The following RPS6KC1 variants were observed in gnomAD, a reference collection of about 807,000 sequenced individuals.
RPS6KC1 encodes the protein ribosomal protein S6 kinase C1.
In RPS6KC1, 54 loss-of-function variants were observed where a neutral mutation model predicts 103.8. That is an observed-to-expected ratio of 0.52 (90% CI 0.42 to 0.65). The LOEUF is 0.65. Among genes scored for constraint, RPS6KC1 ranks in the 30% least tolerant of loss-of-function variants. The probability of loss-of-function intolerance (pLI) is 0.00; values close to 1 mark genes in which losing one functional copy is unlikely to be tolerated. For synonymous variants in RPS6KC1, 439 were observed against 438.7 expected (o/e 1.00, Z -0.01); for missense variants, 1,151 against 1,253.8 (o/e 0.92, Z 1.24).
At chr1:213,205,294 T>G in intron 8 of RPS6KC1, 7 of 984,832 alleles carry the variant, frequency 7.1e-6, no homozygotes, top group Non-Finnish European at 8.4e-6. Context: ...TGTTACATAT[T>G]GGGATTCTGG....
At chr1:213,708,012 C>T in the RPS6KC1 span, among the ~76,000 whole-genome samples, 1 of 152,152 alleles carries the variant, frequency 6.6e-6, no homozygotes, top group Non-Finnish European at 1.5e-5. Context: ...TTAGCATTGC[C>T]TTGGCTATAC....
the RPS6KC1 span, among the ~76,000 whole-genome samples, chr1:213,547,598 G>A: frequency 6.6e-6 from 1 of 152,232 alleles, no homozygotes; most frequent in African/African-American, 2.4e-5. Flanking sequence ...GGTGGGGCCT[G>A]ATGGGAGGTA....
At chr1:213,175,721 C>A (rs2091822037) in intron 7 of RPS6KC1, among the ~76,000 whole-genome samples, 1 of 152,158 alleles carries the variant, frequency 6.6e-6, no homozygotes. Context: ...AGACTGTTTT[C>A]CACATCACAG....
At chr1:213,233,418 C>G (rs1252340451) in intron 10 of RPS6KC1, among the ~76,000 whole-genome samples, 1 of 152,134 alleles carries the variant, frequency 6.6e-6, no homozygotes. Context: ...ATACAGCCAC[C>G]TCTGGTGTGG....
chr1:213,197,790 T>C (rs1422392109), intron 8 of RPS6KC1, among the ~76,000 whole-genome samples: 1 of 152,204 alleles, frequency 6.6e-6, no homozygotes, highest in Non-Finnish European at 1.5e-5. Context: ...CTTTCGGCTT[T>C]CATTTGCAGG....
the RPS6KC1 span, among the ~76,000 whole-genome samples, chr1:213,656,937 C>T: frequency 6.6e-6 from 1 of 152,150 alleles, no homozygotes; most frequent in African/African-American, 2.4e-5. Context: ...GCAGCAGAGG[C>T]TAGAAGCAGA....
At chr1:213,763,780 A>C in the RPS6KC1 span, among the ~76,000 whole-genome samples, 1 of 152,170 alleles carries the variant, frequency 6.6e-6, no homozygotes, top group East Asian at 1.9e-4. Context: ...CTTAGTGCTG[A>C]TTTGCACTTC....
At chr1:213,142,615 G>A (rs1169650389) in intron 6 of RPS6KC1, among the ~76,000 whole-genome samples, 1 of 151,954 alleles carries the variant, frequency 6.6e-6, no homozygotes, top group Non-Finnish European at 1.5e-5. Flanking sequence ...GGTTTCACAG[G>A]GTTGCAAAGT....
chr1:213,281,647 C>T, the RPS6KC1 span, among the ~76,000 whole-genome samples: 255 of 152,330 alleles, frequency 1.7e-3, no homozygotes, highest in African/African-American at 5.8e-3. Flanking sequence ...GAGCGACAGC[C>T]ATCCTGATGT....
At chr1:213,341,677 T>G in the RPS6KC1 span, among the ~76,000 whole-genome samples, 3 of 152,246 alleles carry the variant, frequency 2.0e-5, no homozygotes, top group Non-Finnish European at 4.4e-5. Context: ...TAATATGAAC[T>G]AATTTAATCT....
chr1:213,201,937 A>C lies in RPS6KC1; in HGVS notation c.1044+25445A>C, dbSNP rs928844618. On this transcript the variant is annotated intron_variant, in intron 8 of 14. Transcript: ENST00000366960. ...GCTAGCTATTCCAGATGTGGGACAGACCACTGTGTTTCTAGGTGGTTTTTA... is the reference window on the plus strand; with the variant it reads ...GCTAGCTATTCCAGATGTGGGACAGCCCACTGTGTTTCTAGGTGGTTTTTA... Among the ~76,000 whole-genome samples, 3 of 152,162 alleles carry C rather than the reference A, an allele frequency of 2.0e-5. 1 individual carries two copies. Among genetic ancestry groups the C allele is most frequent in the Admixed American group, 6.5e-5 (1 of 15,278 alleles).
chr1:213,733,544 G>GT, the RPS6KC1 span, among the ~76,000 whole-genome samples: 24,447 of 99,968 alleles, frequency 0.24, 2,439 homozygotes, highest in Middle Eastern at 0.4. Context: ...GCTATTTTTA[G>GT]TTTGTTTTTT....
chr1:213,472,195 A>G, the RPS6KC1 span, among the ~76,000 whole-genome samples: 1 of 152,188 alleles, frequency 6.6e-6, no homozygotes, highest in Non-Finnish European at 1.5e-5. Flanking sequence ...CACAAAACTT[A>G]CTGTTCAGAG....
the RPS6KC1 span, among the ~76,000 whole-genome samples, chr1:213,558,482 T>C: frequency 0.79 from 120,769 of 152,086 alleles, 48,718 homozygotes; most frequent in East Asian, 0.98. Flanking sequence ...ACATCCCTAG[T>C]GAGCACAAAG....
chr1:213,532,641 C>T, the RPS6KC1 span, among the ~76,000 whole-genome samples: 3 of 152,332 alleles, frequency 2.0e-5, no homozygotes, highest in Admixed American at 1.3e-4. Context: ...CCAGGCTAAT[C>T]AAGGTTGAGA....
At chr1:213,087,171 A>G (rs996347094) in intron 3 of RPS6KC1, among the ~76,000 whole-genome samples, 6 of 152,132 alleles carry the variant, frequency 3.9e-5, no homozygotes, top group African/African-American at 1.4e-4. Flanking sequence ...CTTTTTCTCA[A>G]TGAAGTTGAA....
chr1:213,614,231 A>G, the RPS6KC1 span, among the ~76,000 whole-genome samples: 2 of 152,192 alleles, frequency 1.3e-5, no homozygotes, highest in Non-Finnish European at 2.9e-5. Context: ...AGTCCTTGGG[A>G]TCCCCATTCT....
At chr1:213,127,814 G>C (rs1043607258) in intron 5 of RPS6KC1, among the ~76,000 whole-genome samples, 1 of 152,026 alleles carries the variant, frequency 6.6e-6, no homozygotes, top group Non-Finnish European at 1.5e-5. Flanking sequence ...ATGATTTTTT[G>C]GGATAATGAA....
chr1:213,551,281 G>A, the RPS6KC1 span, among the ~76,000 whole-genome samples: 1 of 152,140 alleles, frequency 6.6e-6, no homozygotes, highest in African/African-American at 2.4e-5. Context: ...CTCTGGCAAG[G>A]ACATAGGCTG....
Sources: allele counts gnomAD v4.1 joint callset (sites outside exome capture counted in the v4.1 genomes callset), GRCh38; gene constraint gnomAD v4.1.1; transcripts MANE v1.5; gene names NCBI Gene and HGNC (gene_info 2026-07-23, HGNC 2026-07-21).